ATXN7L2: variants seen among roughly 807,000 people sequenced by gnomAD.
ATXN7L2 encodes ataxin-7-like protein 2.
Under a neutral mutation model 59.6 loss-of-function variants are expected in ATXN7L2, and 17 were observed. That is an observed-to-expected ratio of 0.29 (90% CI 0.20 to 0.43). ATXN7L2 has a LOEUF of 0.43. ATXN7L2 is among the 20% of genes least tolerant of loss of function. The probability of loss-of-function intolerance (pLI) is 1.00; values close to 1 mark genes in which losing one functional copy is unlikely to be tolerated. For missense variants in ATXN7L2, 858 were observed against 1,008.9 expected (o/e 0.85, Z 2.03); for synonymous variants, 378 against 392.5 (o/e 0.96, Z 0.44).
rs776038541 is a variant in ATXN7L2, at chr1:109,488,959, G to A, written c.992G>A (p.Ser331Asn). The A allele has an allele frequency of 9.9e-6, 16 of 1,614,164 alleles. No individual in the cohort carries two copies. Among genetic ancestry groups the A allele is most frequent in the Non-Finnish European group, 1.4e-5 (16 of 1,180,018 alleles). ...SRKGESPKEK[S>N]PGRKEQVLER... ...AAAGGGGAGTCTCCCAAGGAGAAGA[G>A]CCCAGGGCGCAAGGAGCAAGTTCTC... The change falls in exon 7 of 11, where the codon AGC becomes AAC. Residue 331 changes from serine to asparagine, a missense_variant. Physicochemically the swap from Ser to Asn is conservative, Grantham distance 46 (BLOSUM62 1). Coordinates refer to ENST00000683729, the MANE Select transcript of ATXN7L2 (RefSeq NM_001350175.2). The surrounding 1 kb of genome is among the most constrained non-coding windows in gnomAD (Gnocchi z 5.0).
Position 109,490,159 on chromosome 1 carries a change from G to A in ATXN7L2, c.1332+31G>A, listed in dbSNP as rs200126569. On this transcript the variant is annotated intron_variant, in intron 8 of 10. Transcript: ENST00000683729. ...GACCTGGAATAGGGGCCTATGGAGG[G>A]GGTGGCCCAGCACTCCTGGCCAACA... 71 of 1,565,646 alleles carry A rather than the reference G, an allele frequency of 4.5e-5. No individual in the cohort carries two copies. The African/African-American group carries it at 8.1e-4, about 18-fold the overall frequency.
intron 1 of ATXN7L2, among the ~76,000 whole-genome samples, chr1:109,485,109 C>T (rs1656479958): frequency 6.6e-6 from 1 of 152,070 alleles, no homozygotes; most frequent in Non-Finnish European, 1.5e-5. Context: ...CCCAGGCCAC[C>T]CTGGGGCTGC....
In ATXN7L2 at chr1:109,488,866, G is replaced by T; in HGVS notation, c.899G>T (p.Arg300Leu). Reference sequence around the variant, plus strand: ...TTCTAGATCCACTCAGTACACCAGCGCCGGGAAGTCCAGGGCCGGGCCAAG... The same window carrying T: ...TTCTAGATCCACTCAGTACACCAGCTCCGGGAAGTCCAGGGCCGGGCCAAG... ...LTCKIHSVHQ[R>L]REVQGRAKDF... is the part of the protein sequence containing the mutation. The change falls in exon 7 of 11, where the codon CGC (arginine) becomes CTC (leucine). Residue 300 changes from arginine (R) to leucine (L), a missense_variant. By Grantham distance (102) the Arg-to-Leu change is moderately radical. Coordinates refer to ENST00000683729, the MANE Select transcript of ATXN7L2 (RefSeq NM_001350175.2). This position sits in a 1 kb window ranked among gnomAD's most constrained non-coding sequence, Gnocchi z 5.0. 6.2e-7 allele frequency: 1 copy of T among 1,613,940 alleles called. No individual in the cohort carries two copies. The highest frequency in any genetic ancestry group is 8.5e-7 in the Non-Finnish European group (1 of 1,179,996).
At position 109,490,966 on chromosome 1, in the gene ATXN7L2, C is replaced by T. The variant is rs772481589; in HGVS notation, c.1499C>T (p.Ser500Phe). The T allele has an allele frequency of 1.1e-5, 18 of 1,591,396 alleles. No homozygotes were observed. Among genetic ancestry groups the T allele is most frequent in the Non-Finnish European group, 1.5e-5 (18 of 1,167,542 alleles). Residue 500 changes from serine (S) to phenylalanine (F), a missense_variant, in exon 10 of 11, where the codon TCC becomes TTC. Transcript: ENST00000683729. ...AAEPPAHLVN[S>F]PLSAPLSPSS... is the part of the protein sequence containing the mutation. The stretch of plus-strand genomic sequence containing the variant: ...GAACCTCCAGCTCACCTTGTCAACT[C>T]CCCGTTATCTGCTCCCCTGAGCCCA...
At position 109,491,424 on chromosome 1, in the gene ATXN7L2, G is replaced by C. The variant is rs1163665164; in HGVS notation, c.1957G>C (p.Val653Leu). Residue 653 changes from valine to leucine, a missense_variant, in exon 10 of 11, where the codon GTG becomes CTG. Physicochemically the swap from Val to Leu is conservative, Grantham distance 32. Coordinates refer to ENST00000683729, the MANE Select transcript of ATXN7L2 (RefSeq NM_001350175.2). The surrounding 1 kb of genome is among the most constrained non-coding windows in gnomAD (Gnocchi z 4.1). ...MGLNGTMGPRVKRAGPLDCRG... is the reference protein window; with the variant it reads ...MGLNGTMGPRLKRAGPLDCRG... ...GCTTAATGGGACAATGGGGCCAAGA[G>C]TGAAGCGGGCAGGGCCCCTGGACTG... is the stretch of plus-strand genomic sequence containing the variant. The C allele has an allele frequency of 6.2e-7, 1 of 1,614,070 alleles. No individual in the cohort carries two copies. The highest frequency in any genetic ancestry group is 8.5e-7 in the Non-Finnish European group (1 of 1,180,060).
chr1:109,487,240 C>A (rs1194307860), intron 4 of ATXN7L2, 23 bp downstream of exon 4: 1 of 1,492,870 alleles, frequency 6.7e-7, no homozygotes. Flanking sequence ...TGGAAACTTT[C>A]TAAGACTGGC....
At chr1:109,485,104 G>GCCAC (rs1656479613) in intron 1 of ATXN7L2, among the ~76,000 whole-genome samples, 1 of 152,134 alleles carries the variant, frequency 6.6e-6, no homozygotes, top group Non-Finnish European at 1.5e-5. Context: ...GGGAGCCCAG[G>GCCAC]CCACCCTGGG....
rs769917745 is a variant in ATXN7L2 at position 109,487,020 on chromosome 1, G to A, written c.312G>A (p.Gly104=). The A allele has an allele frequency of 1.3e-6, 2 of 1,593,656 alleles. No individual in the cohort carries two copies. The highest frequency in any genetic ancestry group is 1.7e-6 in the Non-Finnish European group (2 of 1,171,598). The change falls in exon 4 of 11, where the codon GGG becomes GGA. Residue 104 remains glycine (G), a synonymous_variant. Transcript: ENST00000683729. ...TCCTGGTGACAGAAAGAAGACATGG[G>A]CCCCTCAGCAAGCTTTATGGCCGGG... The part of the protein sequence containing the change: ...AFQKHCERRH[G]PLSKLYGRAP...
intron 1 of ATXN7L2, among the ~76,000 whole-genome samples, chr1:109,484,326 G>A (rs1438899795): frequency 1.3e-5 from 2 of 151,788 alleles, no homozygotes; most frequent in Non-Finnish European, 2.9e-5. Context: ...GCTAATACCT[G>A]CCCCCATATA....
intron 1 of ATXN7L2, chr1:109,485,631 T>TA (rs756513108): frequency 2.0e-6 from 2 of 986,570 alleles, no homozygotes; most frequent in Non-Finnish European, 2.4e-6. Flanking sequence ...CTCAGGGACT[T>TA]ATAGAAACAT....
At chr1:109,489,182 G>A in intron 7 of ATXN7L2, 82 bp downstream of exon 7, 1 of 1,514,064 alleles carries the variant, frequency 6.6e-7, no homozygotes, top group Non-Finnish European at 8.9e-7. Flanking sequence ...CAGGCTCAGG[G>A]AGTGTCCTGG....
chr1:109,486,932 A>G lies in ATXN7L2; in HGVS notation c.299-75A>G, dbSNP rs1026162743. On this transcript the variant is annotated intron_variant, in intron 3 of 10. Transcript: ENST00000683729. The surrounding 1 kb of genome is among the most constrained non-coding windows in gnomAD (Gnocchi z 4.3). ...AACTCAGATTCTCTCATGTGAGTCT[A>G]TGGACATGGTTAGGTTGGGGAAGGA... 4.8e-5 allele frequency: 62 copies of G among 1,293,954 alleles called. No individual in the cohort carries two copies. The highest frequency in any genetic ancestry group is 1.9e-4 in the Middle Eastern group (1 of 5,218). 80.2% of individuals were successfully genotyped at this position (1,293,954 alleles called of 1,614,324 possible).
Position 109,488,758 on chromosome 1 carries a change from C to G in ATXN7L2, c.880-89C>G. 1 of 1,473,506 alleles carries G rather than the reference C, an allele frequency of 6.8e-7. No individual in the cohort carries two copies. Among genetic ancestry groups the G allele is most frequent in the African/African-American group, 1.4e-5 (1 of 71,276 alleles). The allele number at this position is 1,473,506 out of a possible 1,614,324, so 91.3% of individuals were successfully genotyped here. ...ATATGCCCACCTCTCTCCCTGCCCC[C>G]CAACTTGCCCGGGCCAAAGCACCCT... On this transcript the variant is annotated intron_variant, in intron 6 of 10. Coordinates refer to ENST00000683729, the MANE Select transcript of ATXN7L2 (RefSeq NM_001350175.2). This position sits in a 1 kb window ranked among gnomAD's most constrained non-coding sequence, Gnocchi z 5.0.
At position 109,491,075 on chromosome 1, in the gene ATXN7L2, C is replaced by T. The variant is rs201688698; in HGVS notation, c.1608C>T (p.Asn536=). Residue 536 remains asparagine (N), a synonymous_variant, in exon 10 of 11, where the codon AAC becomes AAT. Coordinates refer to ENST00000683729, the MANE Select transcript of ATXN7L2 (RefSeq NM_001350175.2). This position sits in a 1 kb window ranked among gnomAD's most constrained non-coding sequence, Gnocchi z 4.1. ...CCTCCATGCCCCCCACCAAGGACAACCTTGTCCCCAGCTACCCTGCAGGCT... is the reference window on the plus strand; with the variant it reads ...CCTCCATGCCCCCCACCAAGGACAATCTTGTCCCCAGCTACCCTGCAGGCT... ...CPASMPPTKD[N]LVPSYPAGSP... 6.8e-6 allele frequency: 11 copies of T among 1,613,792 alleles called. No homozygotes were observed. Among genetic ancestry groups the T allele is most frequent in the Non-Finnish European group, 9.3e-6 (11 of 1,180,022 alleles).
At position 109,486,354 on chromosome 1, in the gene ATXN7L2, C is replaced by G. The variant is rs752848546; in HGVS notation, c.194-152C>G. 1.4e-5 allele frequency: 13 copies of G among 934,834 alleles called. No individual in the cohort carries two copies. Among genetic ancestry groups the G allele is most frequent in the East Asian group, 2.7e-5 (1 of 37,494 alleles). 57.9% of individuals were successfully genotyped at this position (934,834 alleles called of 1,614,324 possible). A position where few individuals can be genotyped will look rare whatever the true frequency, so the allele number is the denominator to read the frequency against. ...GTATACCCTTTGGGACTGCTTAGAT[C>G]GAACTCTGGAAGCTGGAAGCATTCA... On this transcript the variant is annotated intron_variant, in intron 2 of 10. Coordinates refer to ENST00000683729, the MANE Select transcript of ATXN7L2 (RefSeq NM_001350175.2). This position sits in a 1 kb window ranked among gnomAD's most constrained non-coding sequence, Gnocchi z 4.3.
At chr1:109,490,840 C>A in intron 9 of ATXN7L2, 82 bp from the exon 10 acceptor site, 1 of 1,433,022 alleles carries the variant, frequency 7.0e-7, no homozygotes, top group Non-Finnish European at 9.4e-7. Context: ...CTAGGTGGGG[C>A]AGAGAGACTG....
In ATXN7L2 at chr1:109,486,460, AC is replaced by A. The variant is rs1313876697; in HGVS notation, c.194-43del. The stretch of plus-strand genomic sequence containing the variant: ...GAGTGCTCTCCGATCTTCCAGAGAA[AC>A]CCTGGGATCTTCAGCCCCAGTGACA... On this transcript the variant is annotated intron_variant, in intron 2 of 10. Coordinates refer to ENST00000683729, the MANE Select transcript of ATXN7L2 (RefSeq NM_001350175.2). The surrounding 1 kb of genome is among the most constrained non-coding windows in gnomAD (Gnocchi z 4.3). The A allele has an allele frequency of 6.6e-7, 1 of 1,520,290 alleles. No individual in the cohort carries two copies. Among genetic ancestry groups the A allele is most frequent in the African/African-American group, 1.4e-5 (1 of 72,934 alleles). 94.2% of individuals were successfully genotyped at this position (1,520,290 alleles called of 1,614,324 possible). A position where few individuals can be genotyped will look rare whatever the true frequency, so the allele number is the denominator to read the frequency against.
chr1:109,490,644 C>A (rs1161604571), intron 9 of ATXN7L2, among the ~76,000 whole-genome samples: 1 of 152,118 alleles, frequency 6.6e-6, no homozygotes, highest in East Asian at 1.9e-4. Flanking sequence ...CTTCCAGTAC[C>A]TTTTGGGTAA....
chr1:109,489,821 A>C, intron 7 of ATXN7L2, 109 bp from the exon 8 acceptor site: 1 of 1,129,496 alleles, frequency 8.9e-7, no homozygotes, highest in Non-Finnish European at 1.3e-6. Context: ...ATTGCCCTGC[A>C]GGGTGTCTGC....
Sources: allele counts gnomAD v4.1 joint callset (sites outside exome capture counted in the v4.1 genomes callset), GRCh38; gene constraint gnomAD v4.1.1; non-coding constraint Gnocchi (gnomAD v3.1); transcripts MANE v1.5; gene names NCBI Gene and HGNC (gene_info 2026-07-23, HGNC 2026-07-21).